TG: variants seen among roughly 807,000 people sequenced by gnomAD.
TG encodes thyroglobulin, also known as thyroid hormones.
TG carries 270 observed loss-of-function variants against 324.7 expected under a neutral mutation model. The observed-to-expected ratio is 0.83, with a 90% CI of 0.75 to 0.92. The LOEUF is 0.92. Ranked by LOEUF, TG falls within the 40% of genes least tolerant of loss-of-function variation. The pLI, the probability that TG is intolerant of heterozygous loss-of-function variation, is 0.00. For synonymous variants in TG, 1,401 were observed against 1,327.0 expected (o/e 1.06, Z -1.21); for missense variants, 3,591 against 3,456.4 (o/e 1.04, Z -0.98).
At chr8:132,935,214 C>T (rs1184271769) in intron 24 of TG, among the ~76,000 whole-genome samples, 1 of 151,180 alleles carries the variant, frequency 6.6e-6, no homozygotes, top group Non-Finnish European at 1.5e-5. Flanking sequence ...AAACTAGGCT[C>T]ACTGCAACCT....
chr8:132,888,215 T>C lies in TG; in HGVS notation c.2408T>C (p.Leu803Pro), dbSNP rs770108535. Residue 803 changes from leucine to proline, a missense_variant, in exon 10 of 48, where the codon CTA (leucine) becomes CCA (proline). Transcript: ENST00000220616. The part of the protein sequence containing the change: ...KGQDLTPAKL[L>P]VKIMSYREAA... ...CAGGATCTGACGCCTGCCAAGCTGC[T>C]AGTGAAGATCATGAGCTACAGAGAA... 6.2e-7 allele frequency: 1 copy of C among 1,614,242 alleles called. No homozygotes were observed. The highest frequency in any genetic ancestry group is 8.5e-7 in the Non-Finnish European group (1 of 1,180,042).
At chr8:133,130,303 C>G (rs1488043917) in intron 45 of TG, among the ~76,000 whole-genome samples, 1 of 152,208 alleles carries the variant, frequency 6.6e-6, no homozygotes, top group Non-Finnish European at 1.5e-5. Context: ...AGTTATACCC[C>G]CGCAAAATGT....
At chr8:133,100,857 A>T (rs1014548721) in intron 43 of TG, among the ~76,000 whole-genome samples, 1 of 152,222 alleles carries the variant, frequency 6.6e-6, no homozygotes, top group East Asian at 1.9e-4. Context: ...TAAAATTTCA[A>T]TAGCCTTAGG....
intron 35 of TG, among the ~76,000 whole-genome samples, chr8:133,008,471 T>G (rs1362957895): frequency 6.6e-6 from 1 of 152,042 alleles, no homozygotes; most frequent in African/African-American, 2.4e-5. Context: ...TAAATGACAC[T>G]AGCATTGCAA....
intron 20 of TG, among the ~76,000 whole-genome samples, chr8:132,914,144 C>T (rs751529676): frequency 6.6e-6 from 1 of 151,388 alleles, no homozygotes; most frequent in Non-Finnish European, 1.5e-5. Flanking sequence ...AGCCAATTAG[C>T]GACCTTAATT....
chr8:133,048,078 G>C (rs544847198), intron 41 of TG: 3 of 593,888 alleles, frequency 5.1e-6, no homozygotes, highest in Non-Finnish European at 9.0e-6. Flanking sequence ...CTCTTCCACA[G>C]ATGAGAATAC....
At chr8:133,096,181 C>A (rs58129311) in intron 42 of TG, 25 bp from the exon 43 acceptor site, 8 of 1,613,926 alleles carry the variant, frequency 5.0e-6, no homozygotes, top group Non-Finnish European at 5.9e-6. Context: ...TCCAGGACAA[C>A]TGATTATTGT....
At chr8:133,051,067 T>G in intron 41 of TG, 2 of 615,034 alleles carry the variant, frequency 3.3e-6, no homozygotes, top group Admixed American at 2.8e-5. Flanking sequence ...CAAGGTCCTC[T>G]CTTCAGAGAT....
chr8:132,940,315 T>C (rs1824264424), intron 25 of TG, among the ~76,000 whole-genome samples: 1 of 152,130 alleles, frequency 6.6e-6, no homozygotes, highest in Non-Finnish European at 1.5e-5. Flanking sequence ...TTTCCTCAAA[T>C]GGAAAATGGG....
At chr8:133,038,338 A>G in intron 41 of TG, 1 of 608,476 alleles carries the variant, frequency 1.6e-6, no homozygotes, top group Non-Finnish European at 2.9e-6. Flanking sequence ...ATCAGACACC[A>G]GGGAGGGGTT....
intron 26 of TG, among the ~76,000 whole-genome samples, chr8:132,943,761 C>T (rs1587509096): frequency 6.6e-6 from 1 of 152,206 alleles, no homozygotes; most frequent in Non-Finnish European, 1.5e-5. Flanking sequence ...TACCAGCTCT[C>T]CAGTCACCAG....
At chr8:133,007,394 A>G (rs1834111666) in intron 35 of TG, among the ~76,000 whole-genome samples, 1 of 152,112 alleles carries the variant, frequency 6.6e-6, no homozygotes, top group Admixed American at 6.5e-5. Flanking sequence ...GATTTTTTAC[A>G]AGGCTTTTTT....
chr8:132,908,404 A>T, intron 18 of TG, 64 bp downstream of exon 18: 1 of 1,492,466 alleles, frequency 6.7e-7, no homozygotes, highest in South Asian at 1.2e-5. Flanking sequence ...GTGTCAGAAA[A>T]CCTGAGGGCT....
intron 41 of TG, chr8:133,050,945 G>A (rs867115726): frequency 1.1e-5 from 15 of 1,354,024 alleles, no homozygotes; most frequent in Non-Finnish European, 1.6e-5. Flanking sequence ...GGGGAAGGGG[G>A]CAAGGTGCTT....
At position 132,901,357 on chromosome 8, in the gene TG, A is replaced by C; in HGVS notation, c.3438A>C (p.Pro1146=). Residue 1146 remains proline (P), a synonymous_variant, in exon 16 of 48, where the codon CCA becomes CCC. Transcript: ENST00000220616. The stretch of plus-strand genomic sequence containing the variant: ...TCTGGCTTGTCTCTGTGTCAGGCCC[A>C]AGCCTCTGCAATGTGCTCAAGAGTG... ...RPGSSSSAQC[P]SLCNVLKSGV... is the part of the protein sequence containing the mutation. 1 of 1,614,128 alleles carries C rather than the reference A, an allele frequency of 6.2e-7. No individual in the cohort carries two copies. Among genetic ancestry groups the C allele is most frequent in the Non-Finnish European group, 8.5e-7 (1 of 1,180,020 alleles).
rs3992996 is a variant in TG at position 132,957,766 on chromosome 8, C to G, written c.5402-3242C>G. On this transcript the variant is annotated intron_variant, in intron 27 of 47. Coordinates refer to ENST00000220616, the MANE Select transcript of TG (RefSeq NM_003235.5). Reference sequence around the variant, plus strand: ...CTACACACACACACACACACACACACACACACACACACACACACGTATGTA... The same window carrying G: ...CTACACACACACACACACACACACAGACACACACACACACACACGTATGTA... 2.3e-3 allele frequency among the ~76,000 whole-genome samples: 341 copies of G among 145,554 alleles called. 5 individuals are homozygous for G. Among genetic ancestry groups the G allele is most frequent in the African/African-American group, 7.0e-3 (276 of 39,234 alleles).
chr8:132,890,261 A>G (rs190687843), intron 10 of TG, among the ~76,000 whole-genome samples: 2 of 152,296 alleles, frequency 1.3e-5, no homozygotes, highest in East Asian at 1.9e-4. Context: ...TTGCAATTAA[A>G]TGTTTAACAG....
chr8:133,116,874 G>T (rs1040411040), intron 45 of TG, among the ~76,000 whole-genome samples, 158 bp downstream of exon 45: 6 of 128,912 alleles, frequency 4.7e-5, no homozygotes, highest in Middle Eastern at 8.5e-3. Flanking sequence ...CTGTCTTGCA[G>T]GCGGGGAAAG....
At chr8:133,046,303 T>C (rs991310401) in intron 41 of TG, among the ~76,000 whole-genome samples, 1 of 152,094 alleles carries the variant, frequency 6.6e-6, no homozygotes, top group Admixed American at 6.6e-5. Context: ...TCATAGGAGG[T>C]ATTGCCCCCA....
Sources: gnomAD v4.1 joint callset for allele counts (sites outside exome capture counted in the v4.1 genomes callset) on GRCh38, gnomAD v4.1.1 for gene constraint, MANE v1.5 for transcripts, NCBI Gene and HGNC (gene_info 2026-07-23, HGNC 2026-07-21) for gene names.